The following PPP3CB variants were observed in gnomAD, a reference collection of about 807,000 sequenced individuals.
The protein encoded by PPP3CB is serine/threonine-protein phosphatase 2B catalytic subunit beta isoform.
In PPP3CB, 8 loss-of-function variants were observed where a neutral mutation model predicts 66.4. That is an observed-to-expected ratio of 0.12 (90% CI 0.07 to 0.22). The LOEUF (loss-of-function observed/expected upper bound fraction) is 0.22, where lower values mean the gene tolerates loss of function less well. Ranked by LOEUF, PPP3CB falls within the 10% of genes least tolerant of loss-of-function variation. The probability of loss-of-function intolerance (pLI) is 1.00; values close to 1 mark genes in which losing one functional copy is unlikely to be tolerated. For synonymous variants in PPP3CB, 208 were observed against 221.2 expected (o/e 0.94, Z 0.53); for missense variants, 319 against 642.5 (o/e 0.50, Z 5.44).
intron 11 of PPP3CB, among the ~76,000 whole-genome samples, 169 bp downstream of exon 11, chr10:73,446,323 C>A (rs1304255001): frequency 6.6e-6 from 1 of 152,048 alleles, no homozygotes; most frequent in Non-Finnish European, 1.5e-5. Context: ...TGGTTTCAAA[C>A]TCCTGACCTC....
At chr10:73,490,885 T>G (rs1818512712) in intron 1 of PPP3CB, among the ~76,000 whole-genome samples, 1 of 151,948 alleles carries the variant, frequency 6.6e-6, no homozygotes, top group South Asian at 2.1e-4. Flanking sequence ...CCAGGCAGGG[T>G]GCAGTGGCAC....
At chr10:73,454,942 G>A (rs190108539) in intron 9 of PPP3CB, among the ~76,000 whole-genome samples, 2 of 151,482 alleles carry the variant, frequency 1.3e-5, no homozygotes, top group African/African-American at 2.4e-5. Context: ...GCGTGATCTC[G>A]GCTCACTGCA....
At chr10:73,440,827 A>G (rs919464406) in intron 12 of PPP3CB, among the ~76,000 whole-genome samples, 17 of 152,212 alleles carry the variant, frequency 1.1e-4, no homozygotes, top group African/African-American at 3.9e-4. Context: ...TAAGAAATAC[A>G]TTATTGGTAT....
chr10:73,487,588 A>AAAAAC (rs1564570363), intron 1 of PPP3CB, among the ~76,000 whole-genome samples: 4 of 148,854 alleles, frequency 2.7e-5, no homozygotes, highest in African/African-American at 1.0e-4. Context: ...AAAAAAACAA[A>AAAAAC]CAGGAAAAAC....
chr10:73,443,132 G>A (rs2056176615), intron 12 of PPP3CB, among the ~76,000 whole-genome samples: 1 of 151,832 alleles, frequency 6.6e-6, no homozygotes. Flanking sequence ...CCAGGAGGTT[G>A]AGGCTGCACT....
At chr10:73,475,099 T>G (rs2056766585) in intron 3 of PPP3CB, 69 bp from the exon 4 acceptor site, 1 of 1,543,244 alleles carries the variant, frequency 6.5e-7, no homozygotes, top group Non-Finnish European at 8.7e-7. Context: ...TGATCTTTGC[T>G]CCTTTTCCTC....
At chr10:73,459,528 C>T (rs556460135) in intron 9 of PPP3CB, among the ~76,000 whole-genome samples, 68 of 152,286 alleles carry the variant, frequency 4.5e-4, no homozygotes, top group African/African-American at 1.6e-3. Flanking sequence ...GCATATTCTT[C>T]GCAGCATTAT....
At chr10:73,440,694 AGAC>A (rs2056129739) in intron 12 of PPP3CB, among the ~76,000 whole-genome samples, 2 of 152,358 alleles carry the variant, frequency 1.3e-5, no homozygotes, top group South Asian at 4.1e-4. Context: ...CCTCAGAAAA[AGAC>A]TACTGAGCAT....
chr10:73,438,165 T>C lies in PPP3CB; in HGVS notation c.*77A>G. On this transcript the variant is annotated 3_prime_UTR_variant, in exon 14 of 14. Transcript: ENST00000360663. Reference sequence around the variant, plus strand: ...AGAGACTGTGAAATTTACAGTCAGCTTGGCCGACCCCTCCAGCTCCTCGGG... The same window carrying C: ...AGAGACTGTGAAATTTACAGTCAGCCTGGCCGACCCCTCCAGCTCCTCGGG... The C allele has an allele frequency of 7.1e-7, 1 of 1,403,290 alleles. No individual in the cohort carries two copies. Among genetic ancestry groups the C allele is most frequent in the South Asian group, 1.3e-5 (1 of 76,676 alleles). 86.9% of individuals were successfully genotyped at this position (1,403,290 alleles called of 1,614,324 possible).
chr10:73,438,085 C>T lies in PPP3CB; in HGVS notation c.*157G>A, dbSNP rs1251061071. 3 of 717,906 alleles carry T rather than the reference C, an allele frequency of 4.2e-6. No homozygotes were observed. The highest frequency in any genetic ancestry group is 5.8e-5 in the East Asian group (2 of 34,478). 44.5% of individuals were successfully genotyped at this position (717,906 alleles called of 1,614,324 possible). On this transcript the variant is annotated 3_prime_UTR_variant, in exon 14 of 14. Coordinates refer to ENST00000360663, the MANE Select transcript of PPP3CB (RefSeq NM_021132.4). ...CAGATAGCACATGTCCCAGGGCCCT[C>T]AAGCCTCCATCCAGGAAGGGGGCTA...
chr10:73,473,285 G>A (rs532100534), intron 4 of PPP3CB, among the ~76,000 whole-genome samples: 50 of 152,222 alleles, frequency 3.3e-4, no homozygotes, highest in African/African-American at 1.2e-3. Context: ...CATGTTTTGA[G>A]TCTCAAAACG....
chr10:73,491,424 C>G (rs2057077607), intron 1 of PPP3CB, among the ~76,000 whole-genome samples: 1 of 152,102 alleles, frequency 6.6e-6, no homozygotes, highest in Non-Finnish European at 1.5e-5. Context: ...CTCGGCCTCC[C>G]AAAGTGCTGG....
At chr10:73,443,302 A>C (rs189963780) in intron 12 of PPP3CB, among the ~76,000 whole-genome samples, 5 of 145,436 alleles carry the variant, frequency 3.4e-5, no homozygotes, top group Admixed American at 6.7e-5. Flanking sequence ...GAAAGAAAGA[A>C]AGAAAGAAAG....
intron 12 of PPP3CB, among the ~76,000 whole-genome samples, chr10:73,440,370 T>C (rs570661555): frequency 3.9e-5 from 6 of 152,186 alleles, no homozygotes; most frequent in Non-Finnish European, 5.9e-5. Context: ...TCATTACCAG[T>C]TGGTTCCCTA....
At chr10:73,451,290 C>T (rs114672768) in intron 10 of PPP3CB, among the ~76,000 whole-genome samples, 7,079 of 151,870 alleles carry the variant, frequency 0.047, 503 homozygotes, top group African/African-American at 0.15. Flanking sequence ...AGAAAACAAA[C>T]TTAAAATTAT....
intron 12 of PPP3CB, among the ~76,000 whole-genome samples, chr10:73,441,899 C>G (rs543681359): frequency 1.3e-5 from 2 of 152,112 alleles, no homozygotes; most frequent in Non-Finnish European, 2.9e-5. Flanking sequence ...CTTGAAACGA[C>G]AATTTTTATT....
chr10:73,444,585 A>G, intron 12 of PPP3CB, 140 bp downstream of exon 12: 1 of 1,552,256 alleles, frequency 6.4e-7, no homozygotes, highest in Non-Finnish European at 8.7e-7. Context: ...TAGCTAATAC[A>G]GTACCCTGTC....
chr10:73,484,333 A>G (rs754762934), intron 1 of PPP3CB, among the ~76,000 whole-genome samples: 2 of 151,668 alleles, frequency 1.3e-5, no homozygotes, highest in Admixed American at 1.3e-4. Flanking sequence ...GCAGTGGCGC[A>G]ATCTCTGCTC....
At chr10:73,451,602 A>G (rs1254803891) in intron 10 of PPP3CB, among the ~76,000 whole-genome samples, 1 of 151,878 alleles carries the variant, frequency 6.6e-6, no homozygotes. Flanking sequence ...GGAAGGAAGG[A>G]AGGAAAAACA....
Sources: allele counts gnomAD v4.1 joint callset (sites outside exome capture counted in the v4.1 genomes callset), GRCh38; gene constraint gnomAD v4.1.1; transcripts MANE v1.5; gene names NCBI Gene and HGNC (gene_info 2026-07-23, HGNC 2026-07-21).